The following XNDC1N variants were observed in gnomAD, a reference collection of about 807,000 sequenced individuals.
The protein encoded by XNDC1N is protein XNDC1N.
chr11:71,884,147 G>A, the XNDC1N span, among the ~76,000 whole-genome samples: 2 of 152,068 alleles, frequency 1.3e-5, no homozygotes, highest in Non-Finnish European at 2.9e-5. Flanking sequence ...ATTCATTTTA[G>A]GTAGAAATAT....
chr11:71,888,233 T>A, the XNDC1N span, among the ~76,000 whole-genome samples: 4 of 152,146 alleles, frequency 2.6e-5, no homozygotes, highest in Non-Finnish European at 2.9e-5. Context: ...GGATTGACTA[T>A]CCGACAGGGG....
the XNDC1N span, among the ~76,000 whole-genome samples, chr11:71,887,054 T>C: frequency 6.6e-6 from 1 of 152,148 alleles, no homozygotes; most frequent in African/African-American, 2.4e-5. Flanking sequence ...GGGGCCCTGC[T>C]CAACCTGGCA....
chr11:71,874,037 G>A, the XNDC1N span, among the ~76,000 whole-genome samples: 2 of 152,066 alleles, frequency 1.3e-5, no homozygotes, highest in Non-Finnish European at 1.5e-5. Context: ...ATTTTAGGCC[G>A]GGCCCAGTGG....
the XNDC1N span, among the ~76,000 whole-genome samples, chr11:71,901,262 G>T: frequency 6.6e-6 from 1 of 152,110 alleles, no homozygotes; most frequent in African/African-American, 2.4e-5. Context: ...TTTCAAAAAT[G>T]CTCCTCCGAT....
the XNDC1N span, among the ~76,000 whole-genome samples, chr11:71,866,223 G>A: frequency 6.6e-6 from 1 of 150,538 alleles, no homozygotes; most frequent in East Asian, 2.0e-4. Flanking sequence ...TTAGGGCAAT[G>A]TTGCTCTGAT....
At chr11:71,879,690 T>TC in the XNDC1N span, among the ~76,000 whole-genome samples, 1 of 152,106 alleles carries the variant, frequency 6.6e-6, no homozygotes, top group Non-Finnish European at 1.5e-5. Flanking sequence ...TTCTTAAAAT[T>TC]GTGCACCCCT....
the XNDC1N span, chr11:71,923,277 A>T: frequency 1.4e-6 from 1 of 702,528 alleles, no homozygotes; most frequent in East Asian, 2.7e-5. Flanking sequence ...TCAGTTATTA[A>T]GAAAACAAAT....
At chr11:71,882,327 G>A in the XNDC1N span, among the ~76,000 whole-genome samples, 3 of 151,926 alleles carry the variant, frequency 2.0e-5, no homozygotes, top group African/African-American at 7.3e-5. Flanking sequence ...AGTGACCTTG[G>A]CTCACTGCAG....
the XNDC1N span, among the ~76,000 whole-genome samples, chr11:71,911,035 T>C: frequency 6.6e-6 from 1 of 152,348 alleles, no homozygotes; most frequent in South Asian, 2.1e-4. Flanking sequence ...ACCCAAACTG[T>C]GGGGCCCAGG....
chr11:71,873,694 G>A, the XNDC1N span, among the ~76,000 whole-genome samples: 29 of 152,278 alleles, frequency 1.9e-4, no homozygotes, highest in South Asian at 8.3e-4. Context: ...AAACTAATAC[G>A]TGTGGAACAG....
chr11:71,920,334 G>A, the XNDC1N span, among the ~76,000 whole-genome samples: 1 of 147,532 alleles, frequency 6.8e-6, no homozygotes, highest in Non-Finnish European at 1.5e-5. Context: ...TTGAGATGGA[G>A]TTTGCTCTTA....
At chr11:71,889,939 C>T in the XNDC1N span, among the ~76,000 whole-genome samples, 16 of 152,240 alleles carry the variant, frequency 1.1e-4, no homozygotes, top group Admixed American at 9.8e-4. Flanking sequence ...TAGATTTCGA[C>T]GGCCTTTAGG....
At chr11:71,921,769 T>A in the XNDC1N span, among the ~76,000 whole-genome samples, 1 of 152,106 alleles carries the variant, frequency 6.6e-6, no homozygotes, top group Non-Finnish European at 1.5e-5. Flanking sequence ...CTTGTCCCCC[T>A]CTCCCTTTCA....
At chr11:71,882,932 A>G in the XNDC1N span, among the ~76,000 whole-genome samples, 1 of 152,180 alleles carries the variant, frequency 6.6e-6, no homozygotes, top group Non-Finnish European at 1.5e-5. Flanking sequence ...TACAAATACC[A>G]GTTGTGTTTC....
the XNDC1N span, chr11:71,923,574 G>C: frequency 2.5e-6 from 1 of 392,524 alleles, no homozygotes; most frequent in Non-Finnish European, 4.6e-6. Context: ...TTTTTTTTTT[G>C]AGACAGAGTC....
the XNDC1N span, among the ~76,000 whole-genome samples, chr11:71,891,914 G>A: frequency 6.6e-6 from 1 of 151,854 alleles, no homozygotes; most frequent in African/African-American, 2.4e-5. Context: ...CACCCCCTGT[G>A]ATATTGGGAG....
chr11:71,889,828 G>C, the XNDC1N span, among the ~76,000 whole-genome samples: 3 of 152,162 alleles, frequency 2.0e-5, no homozygotes, highest in Non-Finnish European at 4.4e-5. Flanking sequence ...CAAGTATGTA[G>C]TAGTTCTTGG....
chr11:71,898,514 C>T, the XNDC1N span, among the ~76,000 whole-genome samples: 2 of 152,112 alleles, frequency 1.3e-5, no homozygotes, highest in African/African-American at 4.8e-5. Context: ...GGCTGAGACA[C>T]AAGAATCGCT....
the XNDC1N span, among the ~76,000 whole-genome samples, chr11:71,888,241 G>C: frequency 6.6e-6 from 1 of 152,154 alleles, no homozygotes; most frequent in Non-Finnish European, 1.5e-5. Flanking sequence ...TATCCGACAG[G>C]GGTGGGAAGG....
Sources: gnomAD v4.1 joint callset for allele counts (sites outside exome capture counted in the v4.1 genomes callset) on GRCh38, gnomAD v4.1.1 for gene constraint, MANE v1.5 for transcripts, NCBI Gene and HGNC (gene_info 2026-07-23, HGNC 2026-07-21) for gene names.